The following USP12 variants were observed in gnomAD, a reference collection of about 807,000 sequenced individuals.
The protein encoded by USP12 is ubiquitin carboxyl-terminal hydrolase 12.
Under a neutral mutation model 45.5 loss-of-function variants are expected in USP12, and 19 were observed. The ratio of observed to expected loss-of-function variants is 0.42; its 90% CI spans 0.29 to 0.61. The LOEUF is 0.61. USP12 is among the 20% of genes least tolerant of loss of function. The pLI, the probability that USP12 is intolerant of heterozygous loss-of-function variation, is 0.22. For missense variants in USP12, 242 were observed against 447.7 expected (o/e 0.54, Z 4.15); for synonymous variants, 149 against 148.8 (o/e 1.00, Z -0.01).
At chr13:27,109,789 A>G (rs1332206524) in intron 2 of USP12, among the ~76,000 whole-genome samples, 1 of 151,734 alleles carries the variant, frequency 6.6e-6, no homozygotes, top group African/African-American at 2.4e-5. Flanking sequence ...TACTCCTGTA[A>G]TCCCAGCTAC....
chr13:27,105,801 T>A lies in USP12; in HGVS notation c.273A>T (p.Ile91=). ...CTCCAACCTTTTTCTTCTGAGTGGCTATGCTATGGAAGAGATCTGCTAAGC... is the reference window on the plus strand; with the variant it reads ...CTCCAACCTTTTTCTTCTGAGTGGCAATGCTATGGAAGAGATCTGCTAAGC... The part of the protein sequence containing the change: ...LTCLADLFHS[I]ATQKKKVGVI... The change falls in exon 3 of 9, where the codon ATA becomes ATT. Residue 91 remains isoleucine, a synonymous_variant. Transcript: ENST00000282344. 6.2e-7 allele frequency: 1 copy of A among 1,613,908 alleles called. No individual in the cohort carries two copies. The highest frequency in any genetic ancestry group is 8.5e-7 in the Non-Finnish European group (1 of 1,179,822).
intron 1 of USP12, among the ~76,000 whole-genome samples, chr13:27,144,140 T>A (rs1409304340): frequency 1.3e-5 from 2 of 151,752 alleles, no homozygotes; most frequent in African/African-American, 4.8e-5. Flanking sequence ...GGAGCTGAAG[T>A]TGGAGCCGAG....
chr13:27,157,978 A>AAT (rs1257147350), intron 1 of USP12, among the ~76,000 whole-genome samples: 2 of 152,256 alleles, frequency 1.3e-5, no homozygotes, highest in African/African-American at 4.8e-5. Flanking sequence ...CTTAATGAAT[A>AAT]TTCCTTGACA....
At chr13:27,112,826 A>G (rs893952816) in intron 2 of USP12, among the ~76,000 whole-genome samples, 3 of 152,204 alleles carry the variant, frequency 2.0e-5, no homozygotes, top group African/African-American at 7.2e-5. Context: ...ATTTTTAGAT[A>G]AAAATAAACA....
intron 2 of USP12, among the ~76,000 whole-genome samples, chr13:27,108,756 A>G (rs1423657792): frequency 1.3e-5 from 2 of 152,202 alleles, no homozygotes; most frequent in African/African-American, 4.8e-5. Context: ...CAGGAGTTTA[A>G]GACTAGCCTG....
intron 1 of USP12, among the ~76,000 whole-genome samples, chr13:27,137,876 C>T (rs932526213): frequency 9.9e-5 from 15 of 152,240 alleles, no homozygotes; most frequent in Non-Finnish European, 1.6e-4. Flanking sequence ...AGCAAGCTGC[C>T]GCGCTGAGAG....
At chr13:27,168,679 C>G (rs58819148) in intron 1 of USP12, among the ~76,000 whole-genome samples, 11,241 of 152,152 alleles carry the variant, frequency 0.074, 475 homozygotes, top group African/African-American at 0.11. Context: ...GTACTCACTG[C>G]AATCTAAACA....
At chr13:27,115,928 TA>T (rs1284050541) in intron 2 of USP12, among the ~76,000 whole-genome samples, 8 of 152,190 alleles carry the variant, frequency 5.3e-5, no homozygotes, top group Admixed American at 1.3e-4. Flanking sequence ...GGCTATATAT[TA>T]ATACTAAATT....
intron 1 of USP12, among the ~76,000 whole-genome samples, chr13:27,144,559 G>C (rs560496468): frequency 1.4e-5 from 2 of 145,598 alleles, no homozygotes; most frequent in East Asian, 4.0e-4. Context: ...TATTAAAAGA[G>C]ACTAAAGATT....
intron 1 of USP12, among the ~76,000 whole-genome samples, chr13:27,141,310 C>T (rs373205037): frequency 9.2e-5 from 14 of 151,990 alleles, no homozygotes; most frequent in East Asian, 7.7e-4. Context: ...CCACCATGTC[C>T]GGCTGTGAAG....
chr13:27,132,632 G>GT (rs1190154607), intron 1 of USP12, among the ~76,000 whole-genome samples: 4 of 152,172 alleles, frequency 2.6e-5, no homozygotes, highest in African/African-American at 2.4e-5. Flanking sequence ...CTGCATTTGC[G>GT]TAGGTCTGGC....
chr13:27,094,455 C>CTAGGCT (rs1874469714), intron 4 of USP12, among the ~76,000 whole-genome samples: 7 of 151,944 alleles, frequency 4.6e-5, no homozygotes, highest in Admixed American at 1.3e-4. Flanking sequence ...TGATCTATAA[C>CTAGGCT]AGTGTCACTG....
At chr13:27,151,918 T>C (rs957057000) in intron 1 of USP12, among the ~76,000 whole-genome samples, 7 of 152,180 alleles carry the variant, frequency 4.6e-5, no homozygotes, top group Admixed American at 2.0e-4. Flanking sequence ...TCATTACTCA[T>C]CAGAGAAATG....
chr13:27,081,073 G>A (rs1456535807), intron 6 of USP12, among the ~76,000 whole-genome samples: 1 of 149,770 alleles, frequency 6.7e-6, no homozygotes, highest in African/African-American at 2.5e-5. Context: ...GAGTGCAGTG[G>A]CGCGATCTTG....
chr13:27,103,776 A>C (rs943052712), intron 3 of USP12, among the ~76,000 whole-genome samples: 29 of 149,466 alleles, frequency 1.9e-4, no homozygotes, highest in African/African-American at 6.8e-4. Flanking sequence ...AGAGAGACAG[A>C]GAGAGAAAGA....
intron 6 of USP12, among the ~76,000 whole-genome samples, chr13:27,079,963 G>A (rs148161238): frequency 2.0e-5 from 3 of 152,320 alleles, no homozygotes; most frequent in East Asian, 1.9e-4. Flanking sequence ...TGCTTTATGT[G>A]AGAAAGACAC....
intron 4 of USP12, among the ~76,000 whole-genome samples, chr13:27,092,667 C>CA (rs1349571222): frequency 6.6e-6 from 1 of 151,910 alleles, no homozygotes; most frequent in Non-Finnish European, 1.5e-5. Flanking sequence ...CATCCACATG[C>CA]AAAAAAATTA....
At chr13:27,125,356 T>C (rs1198225642) in intron 1 of USP12, among the ~76,000 whole-genome samples, 2 of 152,096 alleles carry the variant, frequency 1.3e-5, no homozygotes, top group East Asian at 3.8e-4. Flanking sequence ...AATTTAAAGA[T>C]GTAGAGATAA....
intron 2 of USP12, among the ~76,000 whole-genome samples, chr13:27,115,542 A>G (rs2497960): frequency 0.97 from 148,284 of 152,242 alleles, 72,299 homozygotes; most frequent in Non-Finnish European, 1. Context: ...CAATATATGC[A>G]TTTTAAAACA....
Sources: gnomAD v4.1 joint callset for allele counts (sites outside exome capture counted in the v4.1 genomes callset) on GRCh38, gnomAD v4.1.1 for gene constraint, MANE v1.5 for transcripts, NCBI Gene and HGNC (gene_info 2026-07-23, HGNC 2026-07-21) for gene names.